The following XYLT1 variants were observed in gnomAD, a reference collection of about 807,000 sequenced individuals.
XYLT1 encodes beta-D-xylosyltransferase 1.
In XYLT1, 36 loss-of-function variants were observed where a neutral mutation model predicts 91.3. The observed-to-expected ratio is 0.39, with a 90% CI of 0.30 to 0.52. The LOEUF is 0.52. XYLT1 is among the 20% of genes least tolerant of loss of function. The pLI is 0.68. For missense variants in XYLT1, 1,242 were observed against 1,284.5 expected (o/e 0.97, Z 0.51); for synonymous variants, 588 against 532.0 (o/e 1.11, Z -1.45).
At chr16:17,276,921 G>T (rs1027627573) in intron 2 of XYLT1, among the ~76,000 whole-genome samples, 3 of 152,182 alleles carry the variant, frequency 2.0e-5, no homozygotes, top group Admixed American at 6.5e-5. Flanking sequence ...CCAGTGCAAA[G>T]ACACAGTTCA....
At chr16:17,391,979 G>A (rs966632392) in intron 1 of XYLT1, among the ~76,000 whole-genome samples, 1 of 152,210 alleles carries the variant, frequency 6.6e-6, no homozygotes, top group African/African-American at 2.4e-5. Flanking sequence ...GGAACGTTGA[G>A]TCAGTTAAAC....
chr16:17,158,741 G>A (rs2031476283), intron 6 of XYLT1, 88 bp downstream of exon 6: 2 of 1,419,260 alleles, frequency 1.4e-6, no homozygotes, highest in African/African-American at 1.4e-5. Context: ...CCTTTCTGTG[G>A]CTGCATGAAA....
chr16:17,461,562 CAGAT>C (rs534944232), intron 1 of XYLT1, among the ~76,000 whole-genome samples: 3 of 152,060 alleles, frequency 2.0e-5, no homozygotes, highest in African/African-American at 7.2e-5. Flanking sequence ...AATGGATGGA[CAGAT>C]GGATGGATGA....
intron 2 of XYLT1, among the ~76,000 whole-genome samples, chr16:17,308,494 T>C (rs758718944): frequency 1.1e-4 from 17 of 152,348 alleles, no homozygotes; most frequent in Non-Finnish European, 1.6e-4. Flanking sequence ...AAGGTGAAGA[T>C]ACAGCTCTAT....
chr16:17,389,608 G>A (rs1369793585), intron 1 of XYLT1, among the ~76,000 whole-genome samples: 1 of 152,288 alleles, frequency 6.6e-6, no homozygotes, highest in African/African-American at 2.4e-5. Flanking sequence ...TCAGCCCCAG[G>A]CCATTTTTAC....
At chr16:17,467,031 T>A (rs2036906905) in intron 1 of XYLT1, among the ~76,000 whole-genome samples, 1 of 152,208 alleles carries the variant, frequency 6.6e-6, no homozygotes, top group African/African-American at 2.4e-5. Flanking sequence ...AAGTCACTGC[T>A]GATGTCTAAA....
intron 2 of XYLT1, among the ~76,000 whole-genome samples, chr16:17,298,656 G>A (rs1031803686): frequency 7.9e-5 from 12 of 152,118 alleles, no homozygotes; most frequent in African/African-American, 1.4e-4. Flanking sequence ...GTCTTCACCC[G>A]GCAGGGAAGG....
intron 1 of XYLT1, among the ~76,000 whole-genome samples, chr16:17,412,665 A>C (rs996354448): frequency 6.6e-6 from 1 of 152,114 alleles, no homozygotes; most frequent in African/African-American, 2.4e-5. Context: ...TTCCCAGTGG[A>C]AACAGGACAG....
chr16:17,285,654 A>T lies in XYLT1; in HGVS notation c.403-26156T>A, dbSNP rs190654854. 2.0e-5 allele frequency among the ~76,000 whole-genome samples: 3 copies of T among 152,032 alleles called. No individual in the cohort carries two copies. The East Asian group carries it at 5.8e-4, about 29-fold the overall frequency. ...AGGAATGCCAGGCCCTTCACCCCTC[A>T]CCCTGGCTTGCATTCAAATGACCCC... On this transcript the variant is annotated intron_variant, in intron 2 of 11. Coordinates refer to ENST00000261381, the MANE Select transcript of XYLT1 (RefSeq NM_022166.4).
At chr16:17,240,247 G>A (rs1198400607) in intron 3 of XYLT1, among the ~76,000 whole-genome samples, 2 of 152,186 alleles carry the variant, frequency 1.3e-5, no homozygotes, top group East Asian at 3.9e-4. Flanking sequence ...TTCTCTAGGG[G>A]ATGCAGGAAC....
At chr16:17,196,887 C>A (rs2032436426) in intron 5 of XYLT1, among the ~76,000 whole-genome samples, 1 of 151,638 alleles carries the variant, frequency 6.6e-6, no homozygotes, top group Non-Finnish European at 1.5e-5. Context: ...TGGTGAAACA[C>A]CATCTCTATG....
At chr16:17,434,663 C>A (rs1044641561) in intron 1 of XYLT1, among the ~76,000 whole-genome samples, 2 of 152,114 alleles carry the variant, frequency 1.3e-5, no homozygotes, top group Non-Finnish European at 2.9e-5. Context: ...TCGAGACCAG[C>A]CTGGGTAACA....
rs1966742507 is a variant in XYLT1 at position 17,104,031 on chromosome 16, C to T, written c.*4664G>A. On this transcript the variant is annotated 3_prime_UTR_variant, in exon 12 of 12. Transcript: ENST00000261381. The stretch of plus-strand genomic sequence containing the variant: ...AGCAGATTTGGACAACTTTGTTCCC[C>T]CCTCCCAGGTAAACTTCTCAGCAGA... The T allele has an allele frequency of 6.5e-6, 1 of 152,704 alleles. No homozygotes were observed. The highest frequency in any genetic ancestry group is 1.5e-5 in the Non-Finnish European group (1 of 68,156). The allele number at this position is 152,704 out of a possible 1,614,324, so 9.5% of individuals were successfully genotyped here. A position where few individuals can be genotyped will look rare whatever the true frequency, so the allele number is the denominator to read the frequency against.
At chr16:17,128,658 A>G (rs2030348943) in intron 9 of XYLT1, among the ~76,000 whole-genome samples, 1 of 152,322 alleles carries the variant, frequency 6.6e-6, no homozygotes, top group East Asian at 1.9e-4. Flanking sequence ...ACACATGCAC[A>G]TACATGCAAA....
rs2032794473 is a variant in XYLT1 at position 17,213,184 on chromosome 16, T to C, written c.914-12530A>G. On this transcript the variant is annotated intron_variant, in intron 3 of 11. Coordinates refer to ENST00000261381, the MANE Select transcript of XYLT1 (RefSeq NM_022166.4). ...CTCTAGAGATCTGCGTGTTTAAAAG[T>C]GTGTGGCACCTCCCCTGTCTTGCTC... Among the ~76,000 whole-genome samples, 5 of 152,234 alleles carry C rather than the reference T, an allele frequency of 3.3e-5. No individual in the cohort carries two copies. The South Asian group carries it at 8.3e-4, about 25-fold the overall frequency.
At chr16:17,400,617 G>GAGGGAGGA (rs1403407991) in intron 1 of XYLT1, among the ~76,000 whole-genome samples, 10 of 122,076 alleles carry the variant, frequency 8.2e-5, no homozygotes, top group African/African-American at 3.0e-4. Context: ...GGGAGGGAGG[G>GAGGGAGGA]AGGGAGGAAG....
intron 2 of XYLT1, among the ~76,000 whole-genome samples, chr16:17,281,049 G>A (rs955509498): frequency 2.2e-4 from 34 of 152,208 alleles, no homozygotes; most frequent in Non-Finnish European, 1.5e-4. Flanking sequence ...AAAGCCCCCA[G>A]ACAGCGAGGG....
At chr16:17,404,443 T>C (rs185633286) in intron 1 of XYLT1, among the ~76,000 whole-genome samples, 167 of 152,280 alleles carry the variant, frequency 1.1e-3, no homozygotes, top group Non-Finnish European at 1.9e-3. Flanking sequence ...TGGAGCCAGA[T>C]GTTGCCCCAT....
intron 3 of XYLT1, among the ~76,000 whole-genome samples, chr16:17,226,063 A>G (rs2033060264): frequency 6.6e-6 from 1 of 152,172 alleles, no homozygotes; most frequent in Admixed American, 6.5e-5. Context: ...GATGGACAGA[A>G]TGGGGGAGAC....
Sources: allele counts gnomAD v4.1 joint callset (sites outside exome capture counted in the v4.1 genomes callset), GRCh38; gene constraint gnomAD v4.1.1; transcripts MANE v1.5; gene names NCBI Gene and HGNC (gene_info 2026-07-23, HGNC 2026-07-21).